RNF216: variants seen among roughly 807,000 people sequenced by gnomAD.
The protein encoded by RNF216 is E3 ubiquitin-protein ligase RNF216.
Under a neutral mutation model 110.8 loss-of-function variants are expected in RNF216, and 72 were observed. That is an observed-to-expected ratio of 0.65 (90% confidence interval 0.54 to 0.79). The LOEUF is 0.79. Ranked by LOEUF, RNF216 falls within the 30% of genes least tolerant of loss-of-function variation. The probability of loss-of-function intolerance (pLI) is 0.00; values close to 1 mark genes in which losing one functional copy is unlikely to be tolerated. For synonymous variants in RNF216, 495 were observed against 407.5 expected, an observed-to-expected ratio of 1.21 and a Z score of -2.59; for missense variants, 1,342 against 1,141.2, an observed-to-expected ratio of 1.18 and a Z score of -2.54.
At chr7:5,734,142 T>C (rs1236075925) in intron 5 of RNF216, among the ~76,000 whole-genome samples, 1 of 152,192 alleles carries the variant, frequency 6.6e-6, no homozygotes, top group African/African-American at 2.4e-5. Context: ...GTGGGGCAAG[T>C]AGAGTTCAGG....
At chr7:5,690,904 G>A (rs1331405369) in intron 13 of RNF216, among the ~76,000 whole-genome samples, 5 of 152,280 alleles carry the variant, frequency 3.3e-5, no homozygotes. Context: ...ATGGAATTGC[G>A]ATTTGGGGGC....
intron 1 of RNF216, among the ~76,000 whole-genome samples, chr7:5,767,994 G>A (rs1796294489): frequency 6.6e-6 from 1 of 152,196 alleles, no homozygotes; most frequent in Admixed American, 6.6e-5. Flanking sequence ...CAAATCTTAA[G>A]GGTTAAGAGC....
At chr7:5,645,009 G>A (rs915916247) in intron 14 of RNF216, among the ~76,000 whole-genome samples, 2 of 151,418 alleles carry the variant, frequency 1.3e-5, no homozygotes, top group South Asian at 4.2e-4. Context: ...ATTTTTAGGC[G>A]TTTCATCATA....
intron 13 of RNF216, among the ~76,000 whole-genome samples, chr7:5,668,825 G>A (rs1165898016): frequency 6.6e-6 from 1 of 152,112 alleles, no homozygotes; most frequent in Non-Finnish European, 1.5e-5. Flanking sequence ...AGATTTGGGC[G>A]TTCTAGTCAC....
At chr7:5,681,414 T>C (rs1488188409) in intron 13 of RNF216, among the ~76,000 whole-genome samples, 1 of 152,182 alleles carries the variant, frequency 6.6e-6, no homozygotes, top group Non-Finnish European at 1.5e-5. Flanking sequence ...CAGAAACAAC[T>C]GTGGATTACC....
At chr7:5,636,287 C>T (rs1231289056) in intron 15 of RNF216, among the ~76,000 whole-genome samples, 3 of 152,154 alleles carry the variant, frequency 2.0e-5, no homozygotes, top group African/African-American at 4.8e-5. Flanking sequence ...TGTGACTGTT[C>T]GCTTCTGGTT....
At chr7:5,628,543 G>A (rs538723305) in intron 15 of RNF216, among the ~76,000 whole-genome samples, 33 of 152,070 alleles carry the variant, frequency 2.2e-4, no homozygotes, top group African/African-American at 8.0e-4. Flanking sequence ...TTTTCTTTGA[G>A]ACAGTGTCTT....
chr7:5,752,317 C>A (rs1795373966), intron 3 of RNF216, among the ~76,000 whole-genome samples: 1 of 152,022 alleles, frequency 6.6e-6, no homozygotes, highest in African/African-American at 2.4e-5. Context: ...TGCTTTCTGG[C>A]TGAGGAATAT....
intron 13 of RNF216, among the ~76,000 whole-genome samples, chr7:5,702,864 G>A (rs986493013): frequency 6.6e-6 from 1 of 152,210 alleles, no homozygotes; most frequent in African/African-American, 2.4e-5. Context: ...CACAGGGATG[G>A]TGTCTGCGAC....
rs372892308 is a variant in RNF216 at position 5,742,683 on chromosome 7, C to T, written c.202-868G>A. ...TGATCTCAGCTCACTCCAACTTCTGCCTCCCAGGTTCAAGCAATTATCCTG... is the reference window on the plus strand; with the variant it reads ...TGATCTCAGCTCACTCCAACTTCTGTCTCCCAGGTTCAAGCAATTATCCTG... On this transcript the variant is annotated intron_variant, in intron 3 of 16. Coordinates refer to ENST00000389902, the MANE Select transcript of RNF216 (RefSeq NM_207111.4). Among the ~76,000 whole-genome samples, 6 of 148,104 alleles carry T rather than the reference C, an allele frequency of 4.1e-5. No homozygotes were observed. In the South Asian group the frequency reaches 1.3e-3, roughly 32 times the overall value.
At chr7:5,737,522 AAATAATAATAAT>A (rs112378505) in intron 5 of RNF216, among the ~76,000 whole-genome samples, 2 of 148,616 alleles carry the variant, frequency 1.3e-5, no homozygotes, top group African/African-American at 4.9e-5. Flanking sequence ...GATCAATTAA[AAATAATAATAAT>A]AATAATAATA....
chr7:5,651,635 C>T (rs891504672), intron 14 of RNF216, among the ~76,000 whole-genome samples: 16 of 150,500 alleles, frequency 1.1e-4, no homozygotes, highest in Admixed American at 8.6e-4. Context: ...AGTATTACTT[C>T]GGTCATTGCA....
chr7:5,702,922 A>C (rs945893013), intron 13 of RNF216, among the ~76,000 whole-genome samples: 1 of 152,096 alleles, frequency 6.6e-6, no homozygotes, highest in Non-Finnish European at 1.5e-5. Flanking sequence ...GCCAGTGTCT[A>C]TTTTGTAGGG....
intron 1 of RNF216, among the ~76,000 whole-genome samples, chr7:5,780,778 G>A (rs2008418): frequency 0.98 from 149,066 of 152,310 alleles, 72,962 homozygotes; most frequent in Middle Eastern, 0.99. Context: ...ACCTAGGACA[G>A]CTGCTACCCA....
At chr7:5,766,642 G>T (rs901325020) in intron 1 of RNF216, among the ~76,000 whole-genome samples, 1 of 152,206 alleles carries the variant, frequency 6.6e-6, no homozygotes, top group Non-Finnish European at 1.5e-5. Flanking sequence ...CCAGAACTGT[G>T]AGAAAATAAA....
In RNF216 at chr7:5,622,013, G is replaced by A. The variant is rs1584321168; in HGVS notation, c.*847C>T. On this transcript the variant is annotated 3_prime_UTR_variant, in exon 17 of 17. Coordinates refer to ENST00000389902, the MANE Select transcript of RNF216 (RefSeq NM_207111.4). ...AGGAGGCCCACTCCTCCCCCAGAAA[G>A]CCAGGGGGGAAAAGCTGCTCATCAC... The A allele has an allele frequency of 6.6e-6, 1 of 152,290 alleles. No homozygotes were observed. Among genetic ancestry groups the A allele is most frequent in the Admixed American group, 6.5e-5 (1 of 15,270 alleles). 9.4% of individuals were successfully genotyped at this position (152,290 alleles called of 1,614,324 possible). A position where few individuals can be genotyped will look rare whatever the true frequency, so the allele number is the denominator to read the frequency against.
At chr7:5,679,449 C>T (rs1189594915) in intron 13 of RNF216, among the ~76,000 whole-genome samples, 8 of 152,244 alleles carry the variant, frequency 5.3e-5, no homozygotes, top group Non-Finnish European at 8.8e-5. Flanking sequence ...CTGGTGCACA[C>T]ACACCGTAAC....
chr7:5,745,323 C>T (rs772053903), intron 3 of RNF216, among the ~76,000 whole-genome samples: 1 of 152,164 alleles, frequency 6.6e-6, no homozygotes, highest in Non-Finnish European at 1.5e-5. Context: ...AAGTAAATGA[C>T]TAGTTCCTTA....
chr7:5,651,645 A>ATTCTTTTT (rs1788395444), intron 14 of RNF216, among the ~76,000 whole-genome samples: 1 of 146,504 alleles, frequency 6.8e-6, no homozygotes, highest in Non-Finnish European at 1.5e-5. Flanking sequence ...CGGTCATTGC[A>ATTCTTTTT]TTCTTTTTTT....
Sources: allele counts gnomAD v4.1 joint callset (sites outside exome capture counted in the v4.1 genomes callset), GRCh38; gene constraint gnomAD v4.1.1; transcripts MANE v1.5; gene names NCBI Gene and HGNC (gene_info 2026-07-23, HGNC 2026-07-21).